Variants in STAU2 observed in about 807,000 individuals in gnomAD.
The protein encoded by STAU2 is double-stranded RNA-binding protein Staufen homolog 2.
Under a neutral mutation model 65.9 loss-of-function variants are expected in STAU2, and 20 were observed. That is an observed-to-expected ratio of 0.30 (90% CI 0.21 to 0.44). The LOEUF is 0.44. Among genes scored for constraint, STAU2 ranks in the 20% least tolerant of loss-of-function variants. The pLI is 1.00. For missense variants in STAU2, 558 were observed against 683.9 expected (o/e 0.82, Z 2.05); for synonymous variants, 232 against 233.9 (o/e 0.99, Z 0.07).
intron 6 of STAU2, among the ~76,000 whole-genome samples, chr8:73,638,190 AT>A (rs1281238808): frequency 1.3e-5 from 2 of 151,882 alleles, no homozygotes; most frequent in African/African-American, 2.4e-5. Context: ...TAATATTTGA[AT>A]TTTTTATATT....
At chr8:73,470,547 CA>C (rs1819932424) in intron 13 of STAU2, among the ~76,000 whole-genome samples, 1 of 152,082 alleles carries the variant, frequency 6.6e-6, no homozygotes, top group Non-Finnish European at 1.5e-5. Flanking sequence ...CCTGTAATCC[CA>C]ACAATTTGGG....
chr8:73,558,854 C>A (rs1194164278), intron 12 of STAU2, among the ~76,000 whole-genome samples: 1 of 152,074 alleles, frequency 6.6e-6, no homozygotes, highest in African/African-American at 2.4e-5. Context: ...TGAATTTACG[C>A]CTCAACAATG....
intron 13 of STAU2, among the ~76,000 whole-genome samples, chr8:73,498,667 T>C (rs1821568158): frequency 6.6e-6 from 1 of 151,792 alleles, no homozygotes; most frequent in South Asian, 2.1e-4. Context: ...AGACTAATAA[T>C]TATAGTCCTT....
chr8:73,428,163 AC>A (rs1816970911), intron 13 of STAU2, among the ~76,000 whole-genome samples: 1 of 152,064 alleles, frequency 6.6e-6, no homozygotes, highest in Non-Finnish European at 1.5e-5. Context: ...CCACCACTGT[AC>A]TCTCTGCTTC....
chr8:73,604,323 G>T (rs972635021), intron 9 of STAU2, among the ~76,000 whole-genome samples: 3 of 152,096 alleles, frequency 2.0e-5, no homozygotes, highest in African/African-American at 7.2e-5. Context: ...CCACCTGCCG[G>T]GTTCAAGCGA....
intron 6 of STAU2, among the ~76,000 whole-genome samples, chr8:73,669,857 A>C (rs573316652): frequency 6.6e-6 from 1 of 152,312 alleles, no homozygotes; most frequent in Non-Finnish European, 1.5e-5. Context: ...ATAAATTTAG[A>C]AGTAATAAAA....
chr8:73,594,764 C>T (rs6472788), intron 11 of STAU2, among the ~76,000 whole-genome samples: 48,184 of 152,036 alleles, frequency 0.32, 9,368 homozygotes, highest in African/African-American at 0.56. Flanking sequence ...CTGTCCAATA[C>T]AGTTCCTGCC....
At chr8:73,480,287 C>T (rs767211522) in intron 13 of STAU2, among the ~76,000 whole-genome samples, 2 of 152,082 alleles carry the variant, frequency 1.3e-5, no homozygotes, top group Non-Finnish European at 2.9e-5. Flanking sequence ...CTCTGAGATA[C>T]AATATTCCCT....
intron 13 of STAU2, among the ~76,000 whole-genome samples, chr8:73,544,740 T>A (rs1192134266): frequency 6.6e-6 from 1 of 152,170 alleles, no homozygotes; most frequent in African/African-American, 2.4e-5. Flanking sequence ...AGGTTATACT[T>A]ACTATGTCAT....
chr8:73,439,542 C>T (rs142320296), intron 13 of STAU2, among the ~76,000 whole-genome samples: 26 of 152,232 alleles, frequency 1.7e-4, no homozygotes, highest in African/African-American at 3.4e-4. Flanking sequence ...TGCTTGAACC[C>T]GGGAGGTAGA....
At chr8:73,628,145 T>C (rs558447637) in intron 6 of STAU2, among the ~76,000 whole-genome samples, 44 of 151,798 alleles carry the variant, frequency 2.9e-4, no homozygotes, top group African/African-American at 1.0e-3. Context: ...ATGATTATGG[T>C]TAACTGCGGC....
At chr8:73,534,134 T>C (rs148530746) in intron 13 of STAU2, among the ~76,000 whole-genome samples, 1 of 152,352 alleles carries the variant, frequency 6.6e-6, no homozygotes, top group Non-Finnish European at 1.5e-5. Flanking sequence ...ATCCATTAAC[T>C]GTGGAGTTGA....
intron 12 of STAU2, among the ~76,000 whole-genome samples, chr8:73,565,627 C>T (rs532199380): frequency 1.3e-5 from 2 of 152,288 alleles, no homozygotes; most frequent in African/African-American, 4.8e-5. Context: ...ACTTTGCAAA[C>T]ATTTATACTT....
chr8:73,735,542 G>A (rs1806373960), intron 3 of STAU2, among the ~76,000 whole-genome samples: 1 of 152,142 alleles, frequency 6.6e-6, no homozygotes, highest in Admixed American at 6.5e-5. Context: ...ATGCTCATTG[G>A]AGCATTTTGG....
At chr8:73,509,718 GA>G (rs529739496) in intron 13 of STAU2, among the ~76,000 whole-genome samples, 2 of 151,026 alleles carry the variant, frequency 1.3e-5, no homozygotes, top group African/African-American at 2.4e-5. Flanking sequence ...TTCCTTATGT[GA>G]AAAAAAATAG....
intron 13 of STAU2, among the ~76,000 whole-genome samples, chr8:73,544,328 C>A (rs995048103): frequency 4.6e-5 from 7 of 152,148 alleles, no homozygotes; most frequent in Non-Finnish European, 1.5e-5. Context: ...ATTATCAAGT[C>A]TGTCTCTTTC....
At position 73,479,712 on chromosome 8, in the gene STAU2, C is replaced by CGTGTGTGTGTGTGT. The variant is rs5892422; in HGVS notation, c.1531-57024_1531-57011dup. On this transcript the variant is annotated intron_variant, in intron 13 of 14. Transcript: ENST00000524300. ...TCCAACAAAGATACACTTAAATATA[C>CGTGTGTGTGTGTGT]GTGTGTGTGTGTGTGTGTGTGTGTG... Among the ~76,000 whole-genome samples the CGTGTGTGTGTGTGT allele has an allele frequency of 9.7e-3, 1,397 of 143,864 alleles. 22 individuals carry two copies. Among genetic ancestry groups the CGTGTGTGTGTGTGT allele is most frequent in the African/African-American group, 0.023 (883 of 38,350 alleles). The allele number at this position is 143,864 out of a possible 152,430, so 94.4% of individuals were successfully genotyped here.
At chr8:73,590,933 A>C (rs1031348968) in intron 11 of STAU2, 1 of 152,508 alleles carries the variant, frequency 6.6e-6, no homozygotes, top group Admixed American at 6.5e-5. Flanking sequence ...CTGCAAAGAA[A>C]AAAAATGAAA....
chr8:73,673,876 G>C (rs1469103279), intron 5 of STAU2, among the ~76,000 whole-genome samples: 1 of 151,936 alleles, frequency 6.6e-6, no homozygotes, highest in African/African-American at 2.4e-5. Flanking sequence ...TGCAGCATCA[G>C]TTATATAAAT....
Sources: gnomAD v4.1 joint callset for allele counts (sites outside exome capture counted in the v4.1 genomes callset) on GRCh38, gnomAD v4.1.1 for gene constraint, MANE v1.5 for transcripts, NCBI Gene and HGNC (gene_info 2026-07-23, HGNC 2026-07-21) for gene names.